The following GDPD4 variants were observed in gnomAD, a reference collection of about 807,000 sequenced individuals.
The protein encoded by GDPD4 is glycerophosphodiester phosphodiesterase 6.
In GDPD4, 60 loss-of-function variants were observed where a neutral mutation model predicts 67.8. The observed-to-expected ratio is 0.88, with a 90% confidence interval of 0.72 to 1.10. The LOEUF (loss-of-function observed/expected upper bound fraction) is 1.10, where lower values mean the gene tolerates loss of function less well. Among genes scored for constraint, GDPD4 ranks in the 50% least tolerant of loss-of-function variants. The pLI, the probability that GDPD4 is intolerant of heterozygous loss-of-function variation, is 0.00. For missense variants in GDPD4, 623 were observed against 613.9 expected (o/e 1.01, Z -0.16); for synonymous variants, 212 against 210.9 (o/e 1.00, Z -0.04).
chr11:77,263,200 T>A (rs1959153798), intron 10 of GDPD4, among the ~76,000 whole-genome samples: 1 of 152,186 alleles, frequency 6.6e-6, no homozygotes, highest in African/African-American at 2.4e-5. Context: ...GTGCCAGAAA[T>A]GATAAATACG....
chr11:77,246,032 C>T (rs1958777671), intron 11 of GDPD4, among the ~76,000 whole-genome samples: 1 of 152,222 alleles, frequency 6.6e-6, no homozygotes, highest in African/African-American at 2.4e-5. Flanking sequence ...TGTGATCATG[C>T]CTTTAATCCC....
intron 4 of GDPD4, among the ~76,000 whole-genome samples, chr11:77,277,471 C>T (rs1446215646): frequency 1.6e-5 from 2 of 123,830 alleles, no homozygotes; most frequent in African/African-American, 3.0e-5. Flanking sequence ...GGCTCGATCT[C>T]GGCTCAGTGC....
chr11:77,243,716 T>G lies in GDPD4; in HGVS notation c.1219A>C (p.Lys407Gln). 1 of 1,612,704 alleles carries G rather than the reference T, an allele frequency of 6.2e-7. No homozygotes were observed. Among genetic ancestry groups the G allele is most frequent in the Non-Finnish European group, 8.5e-7 (1 of 1,178,904 alleles). The change falls in exon 13 of 17, where the codon AAG (lysine) becomes CAG (glutamine). Residue 407 changes from lysine (K) to glutamine (Q), a missense_variant. Lys to Gln is a moderately conservative substitution (Grantham distance 53). Coordinates refer to ENST00000315938, the MANE Select transcript of GDPD4 (RefSeq NM_182833.3). ...TACCTTAACCCATTAGGGAACAACT[T>G]CTTGTAGTCAACATTTATTATACTG... is the stretch of plus-strand genomic sequence containing the variant. ...NISIINVDYK[K>Q]LFPNGLRDYK...
intron 14 of GDPD4, among the ~76,000 whole-genome samples, chr11:77,232,479 A>G (rs1174144362): frequency 6.6e-6 from 1 of 152,204 alleles, no homozygotes; most frequent in Non-Finnish European, 1.5e-5. Context: ...TCAGGTTCTC[A>G]AGCTTCTGGC....
intron 1 of GDPD4, among the ~76,000 whole-genome samples, chr11:77,290,653 C>T (rs59862066): frequency 6.6e-6 from 1 of 152,116 alleles, no homozygotes; most frequent in East Asian, 1.9e-4. Context: ...ACATTTACAT[C>T]AAAAGTAGAA....
At chr11:77,295,594 A>C (rs967978991) in intron 1 of GDPD4, among the ~76,000 whole-genome samples, 2 of 152,096 alleles carry the variant, frequency 1.3e-5, no homozygotes, top group African/African-American at 4.8e-5. Context: ...TGGGGCCACT[A>C]TACTCCATTC....
chr11:77,229,591 A>G (rs972924537), intron 14 of GDPD4, among the ~76,000 whole-genome samples: 27 of 152,330 alleles, frequency 1.8e-4, no homozygotes, highest in African/African-American at 4.8e-4. Flanking sequence ...TTTTCAAGGC[A>G]TGGCTTCTCA....
Position 77,265,816 on chromosome 11 carries a change from C to T in GDPD4, c.707+2641G>A, listed in dbSNP as rs554033604. On this transcript the variant is annotated intron_variant, in intron 10 of 16. Transcript: ENST00000315938. The stretch of plus-strand genomic sequence containing the variant: ...GTGTTACCTTTTAAAGTGGGAGCCA[C>T]TTCTCTGCCTCCTTCACCCCTGGAA... 3.9e-5 allele frequency among the ~76,000 whole-genome samples: 6 copies of T among 152,246 alleles called. No homozygotes were observed. The East Asian group carries it at 1.2e-3, about 29-fold the overall frequency.
chr11:77,233,182 A>C lies in GDPD4; in HGVS notation c.1242-10T>G. ...AGCTGCTTTATAATCTCTGGAACAA[A>C]AACAGAACCCACAGGGGATTTAGAT... On this transcript the variant is annotated splice_polypyrimidine_tract_variant and intron_variant, in intron 13 of 16. Transcript: ENST00000315938. 1 of 1,611,888 alleles carries C rather than the reference A, an allele frequency of 6.2e-7. No homozygotes were observed. The highest frequency in any genetic ancestry group is 8.5e-7 in the Non-Finnish European group (1 of 1,178,138).
chr11:77,298,502 AAT>A (rs1365461125), intron 1 of GDPD4, among the ~76,000 whole-genome samples: 4 of 152,146 alleles, frequency 2.6e-5, no homozygotes, highest in Non-Finnish European at 5.9e-5. Context: ...CTCAAAAAAA[AAT>A]TTTTTTTAAA....
At chr11:77,263,198 A>G (rs1404628386) in intron 10 of GDPD4, among the ~76,000 whole-genome samples, 2 of 152,194 alleles carry the variant, frequency 1.3e-5, no homozygotes, top group Non-Finnish European at 2.9e-5. Flanking sequence ...TAGTGCCAGA[A>G]ATGATAAATA....
chr11:77,232,978 C>T (rs1958481284), intron 14 of GDPD4, 47 bp downstream of exon 14: 6 of 1,599,838 alleles, frequency 3.8e-6, no homozygotes, highest in Non-Finnish European at 5.1e-6. Context: ...GGGGCCTGCA[C>T]TGCTATCATA....
At chr11:77,259,542 A>G (rs1056164492) in intron 10 of GDPD4, among the ~76,000 whole-genome samples, 4 of 148,098 alleles carry the variant, frequency 2.7e-5, no homozygotes, top group Non-Finnish European at 4.4e-5. Flanking sequence ...AGGATGCACA[A>G]TATTACTACA....
At chr11:77,226,438 T>C (rs1449768676) in intron 16 of GDPD4, among the ~76,000 whole-genome samples, 3 of 152,064 alleles carry the variant, frequency 2.0e-5, no homozygotes, top group African/African-American at 4.8e-5. Flanking sequence ...GATCCCACTC[T>C]CCCAAGCACA....
chr11:77,229,319 G>A lies in GDPD4; in HGVS notation c.1390-87C>T. On this transcript the variant is annotated intron_variant, in intron 14 of 16. Coordinates refer to ENST00000315938, the MANE Select transcript of GDPD4 (RefSeq NM_182833.3). The stretch of plus-strand genomic sequence containing the variant: ...TCTAAGTCCCTTGCTCTGCTGCCAG[G>A]GCTGGAGGAGGAGAGGAAGAGGGGA... The A allele has an allele frequency of 6.8e-6, 5 of 740,338 alleles. No homozygotes were observed. In the South Asian group the frequency reaches 9.4e-5, roughly 14 times the overall value. 45.9% of individuals were successfully genotyped at this position (740,338 alleles called of 1,614,324 possible).
chr11:77,225,100 G>T (rs1053504146), intron 16 of GDPD4, among the ~76,000 whole-genome samples: 2 of 151,744 alleles, frequency 1.3e-5, no homozygotes, highest in Admixed American at 6.6e-5. Flanking sequence ...GTGAGACCTT[G>T]CCTCTAAACA....
In GDPD4 at chr11:77,269,431, C is replaced by T. The variant is rs571809773; in HGVS notation, c.479-362G>A. ...GGCTGATTCTAAGAAAGCCCCAGAG[C>T]CTGTAAAGATCATCCTAAAACATCT... On this transcript the variant is annotated intron_variant, in intron 8 of 16. Coordinates refer to ENST00000315938, the MANE Select transcript of GDPD4 (RefSeq NM_182833.3). 1.4e-4 allele frequency among the ~76,000 whole-genome samples: 22 copies of T among 152,112 alleles called. No individual in the cohort carries two copies. In the South Asian group the frequency reaches 4.2e-3, roughly 29 times the overall value.
chr11:77,255,416 T>G (rs1169830079), intron 11 of GDPD4, among the ~76,000 whole-genome samples: 1 of 151,778 alleles, frequency 6.6e-6, no homozygotes, highest in Non-Finnish European at 1.5e-5. Context: ...CACAAAAAAT[T>G]AGCTGGTCAT....
intron 4 of GDPD4, 108 bp from the exon 5 acceptor site, chr11:77,276,328 A>T: frequency 1.2e-6 from 1 of 800,770 alleles, no homozygotes; most frequent in Non-Finnish European, 2.2e-6. Context: ...CAGTACACTC[A>T]TTTCTTGCTA....
Sources: allele counts gnomAD v4.1 joint callset (sites outside exome capture counted in the v4.1 genomes callset), GRCh38; gene constraint gnomAD v4.1.1; transcripts MANE v1.5; gene names NCBI Gene and HGNC (gene_info 2026-07-23, HGNC 2026-07-21).